CHRM3: variants seen among roughly 807,000 people sequenced by gnomAD.
CHRM3 encodes the protein cholinergic receptor muscarinic 3, also known as muscarinic acetylcholine receptor M3.
In CHRM3, 11 loss-of-function variants were observed where a neutral mutation model predicts 41.8. That is an observed-to-expected ratio of 0.26 (90% CI 0.17 to 0.44). The LOEUF is 0.44. Among genes scored for constraint, CHRM3 ranks in the 20% least tolerant of loss-of-function variants. The probability of loss-of-function intolerance (pLI) is 1.00; values close to 1 mark genes in which losing one functional copy is unlikely to be tolerated. For missense variants in CHRM3, 571 were observed against 745.4 expected, an observed-to-expected ratio of 0.77 and a Z score of 2.72; for synonymous variants, 297 against 301.4, an observed-to-expected ratio of 0.99 and a Z score of 0.15.
intron 1 of CHRM3, among the ~76,000 whole-genome samples, chr1:239,395,544 C>T (rs1400325413): frequency 2.6e-5 from 4 of 152,172 alleles, no homozygotes; most frequent in African/African-American, 9.7e-5. Context: ...CTACTTTCCC[C>T]TCCTGCTACC....
At chr1:239,740,477 G>C (rs1417461374) in intron 5 of CHRM3, among the ~76,000 whole-genome samples, 1 of 150,552 alleles carries the variant, frequency 6.6e-6, no homozygotes, top group South Asian at 2.1e-4. Context: ...TTTTCTTTAA[G>C]TTCTGGGATA....
intron 1 of CHRM3, among the ~76,000 whole-genome samples, chr1:239,476,532 T>G (rs1666484532): frequency 6.6e-6 from 1 of 152,078 alleles, no homozygotes; most frequent in South Asian, 2.1e-4. Context: ...CTGAATGACT[T>G]GATTATGTTC....
chr1:239,422,431 A>G (rs1662024167), intron 1 of CHRM3, among the ~76,000 whole-genome samples: 1 of 152,122 alleles, frequency 6.6e-6, no homozygotes, highest in African/African-American at 2.4e-5. Context: ...AACATTGGGA[A>G]AATATGAATT....
Position 239,618,743 on chromosome 1 carries a change from C to T in CHRM3, c.-312-13481C>T, listed in dbSNP as rs372938219. ...CCTGTAGTCCCAGCTACTTGGGAGG[C>T]TGAGGCAGGAGAATGGCGTGAACCC... is the stretch of plus-strand genomic sequence containing the variant. On this transcript the variant is annotated intron_variant, in intron 3 of 6. Transcript: ENST00000676153. Among the ~76,000 whole-genome samples, 112 of 147,070 alleles carry T rather than the reference C, an allele frequency of 7.6e-4. 1 individual carries two copies. In the South Asian group the frequency reaches 0.024, roughly 32 times the overall value.
chr1:239,633,060 C>T (rs535873866), intron 4 of CHRM3, among the ~76,000 whole-genome samples: 5 of 152,196 alleles, frequency 3.3e-5, no homozygotes, highest in Non-Finnish European at 7.3e-5. Flanking sequence ...GCAAGCTCCG[C>T]CTCCCGGGTT....
chr1:239,818,909 T>C (rs1359448965), intron 5 of CHRM3, among the ~76,000 whole-genome samples: 2 of 152,168 alleles, frequency 1.3e-5, no homozygotes, highest in Admixed American at 6.5e-5. Context: ...CCCCTTCCGA[T>C]TGGTTGCTGT....
At chr1:239,902,639 CA>C (rs933250681) in intron 6 of CHRM3, among the ~76,000 whole-genome samples, 4 of 152,142 alleles carry the variant, frequency 2.6e-5, no homozygotes, top group Non-Finnish European at 4.4e-5. Flanking sequence ...GCTTCCCATT[CA>C]AAAGGCTTTA....
In CHRM3 at chr1:239,909,920, C is replaced by T. The variant is rs1172101127; in HGVS notation, c.*696C>T. 6.0e-6 allele frequency: 1 copy of T among 167,062 alleles called. No individual in the cohort carries two copies. The highest frequency in any genetic ancestry group is 2.4e-5 in the African/African-American group (1 of 41,440). The allele number at this position is 167,062 out of a possible 1,614,324, so 10.3% of individuals were successfully genotyped here. A position where few individuals can be genotyped will look rare whatever the true frequency, so the allele number is the denominator to read the frequency against. On this transcript the variant is annotated 3_prime_UTR_variant, in exon 7 of 7. Transcript: ENST00000676153. ...GAAACACTGAACTGGCAAATTATTCCTGCAACATACGCTTTCAGTACTTTG... is the reference window on the plus strand; with the variant it reads ...GAAACACTGAACTGGCAAATTATTCTTGCAACATACGCTTTCAGTACTTTG...
At chr1:239,521,107 C>G (rs979908013) in intron 2 of CHRM3, among the ~76,000 whole-genome samples, 2 of 152,078 alleles carry the variant, frequency 1.3e-5, no homozygotes, top group East Asian at 1.9e-4. Flanking sequence ...AGATTATGGT[C>G]CTCCCACATT....
rs11309320 is a variant in CHRM3, at chr1:239,816,732, C to CT, written c.-146-10503dup. On this transcript the variant is annotated intron_variant, in intron 5 of 6. Transcript: ENST00000676153. Reference sequence around the variant, plus strand: ...ATATCCAGCCTGTCTGTGCCTCAGTCTTTTTTTTTTTTTTTTTGAGAGGGA... The same window carrying CT: ...ATATCCAGCCTGTCTGTGCCTCAGTCTTTTTTTTTTTTTTTTTTGAGAGGGA... Among the ~76,000 whole-genome samples, 251 of 131,534 alleles carry CT rather than the reference C, an allele frequency of 1.9e-3. 4 individuals carry two copies. The highest frequency in any genetic ancestry group is 4.1e-3 in the Middle Eastern group (1 of 242). The allele number at this position is 131,534 out of a possible 152,430, so 86.3% of individuals were successfully genotyped here. A position where few individuals can be genotyped will look rare whatever the true frequency, so the allele number is the denominator to read the frequency against.
At position 239,541,687 on chromosome 1, in the gene CHRM3, T is replaced by C. The variant is rs530048416; in HGVS notation, c.-421-3954T>C. Among the ~76,000 whole-genome samples, 7 of 152,092 alleles carry C rather than the reference T, an allele frequency of 4.6e-5. No individual in the cohort carries two copies. In the East Asian group the frequency reaches 1.2e-3, roughly 25 times the overall value. On this transcript the variant is annotated intron_variant, in intron 2 of 6. Coordinates refer to ENST00000676153, the MANE Select transcript of CHRM3 (RefSeq NM_001375978.1). ...CCACTGCGCCAGGCTAATTTTTCTATGTTTTTGTAGAGACGGGGTTTCACC... is the reference window on the plus strand; with the variant it reads ...CCACTGCGCCAGGCTAATTTTTCTACGTTTTTGTAGAGACGGGGTTTCACC...
intron 5 of CHRM3, among the ~76,000 whole-genome samples, chr1:239,738,465 G>A (rs967316858): frequency 6.6e-6 from 1 of 152,134 alleles, no homozygotes; most frequent in African/African-American, 2.4e-5. Context: ...CCAAGGCCAG[G>A]CTCAGGGGGG....
At chr1:239,797,744 C>T (rs1184560186) in intron 5 of CHRM3, among the ~76,000 whole-genome samples, 2 of 152,242 alleles carry the variant, frequency 1.3e-5, no homozygotes, top group African/African-American at 2.4e-5. Context: ...ATACTGTACT[C>T]GCCTCAAACT....
intron 1 of CHRM3, among the ~76,000 whole-genome samples, chr1:239,472,822 A>G (rs988617591): frequency 7.9e-5 from 12 of 152,138 alleles, no homozygotes; most frequent in Admixed American, 2.6e-4. Context: ...GCACACCACC[A>G]TGGCACATGT....
rs1459390165 is a variant in CHRM3 at position 239,910,440 on chromosome 1, TA to T, written c.*1218del. ...AAGAAAATAGGGCTTGCACCTTTGTTAATCAGCTGTGGCCAGTGCTTTCTGG... is the reference window on the plus strand; with the variant it reads ...AAGAAAATAGGGCTTGCACCTTTGTTATCAGCTGTGGCCAGTGCTTTCTGG... On this transcript the variant is annotated 3_prime_UTR_variant, in exon 7 of 7. Transcript: ENST00000676153. 12 of 166,992 alleles carry T rather than the reference TA, an allele frequency of 7.2e-5. No homozygotes were observed. Among genetic ancestry groups the T allele is most frequent in the African/African-American group, 2.6e-4 (11 of 41,510 alleles). 10.3% of individuals were successfully genotyped at this position (166,992 alleles called of 1,614,324 possible).
intron 6 of CHRM3, among the ~76,000 whole-genome samples, chr1:239,906,468 T>C (rs1572654423): frequency 6.6e-6 from 1 of 152,110 alleles, no homozygotes; most frequent in Admixed American, 6.6e-5. Context: ...GAGCCAGTGG[T>C]GTCCCAGAAG....
chr1:239,848,471 A>G (rs1373378329), intron 6 of CHRM3, among the ~76,000 whole-genome samples: 2 of 152,174 alleles, frequency 1.3e-5, no homozygotes, highest in African/African-American at 2.4e-5. Context: ...GAAAACTGTT[A>G]CAATTCACCG....
chr1:239,686,728 G>A (rs901522371), intron 5 of CHRM3, among the ~76,000 whole-genome samples: 3 of 152,030 alleles, frequency 2.0e-5, no homozygotes, highest in Non-Finnish European at 2.9e-5. Context: ...GAATTTTAAC[G>A]GATCCATGAA....
intron 3 of CHRM3, among the ~76,000 whole-genome samples, chr1:239,563,367 A>G (rs1262594746): frequency 6.6e-6 from 1 of 152,194 alleles, no homozygotes; most frequent in Non-Finnish European, 1.5e-5. Context: ...AGCATCTCAG[A>G]TAGCTAATGT....
Sources: allele counts gnomAD v4.1 joint callset (sites outside exome capture counted in the v4.1 genomes callset), GRCh38; gene constraint gnomAD v4.1.1; transcripts MANE v1.5; gene names NCBI Gene and HGNC (gene_info 2026-07-23, HGNC 2026-07-21).